The following COL4A2 variants were observed in gnomAD, a reference collection of about 807,000 sequenced individuals.
COL4A2 encodes the protein collagen type IV alpha 2 chain.
COL4A2 carries 99 observed loss-of-function variants against 200.2 expected under a neutral mutation model. The ratio of observed to expected loss-of-function variants is 0.49; its 90% confidence interval spans 0.42 to 0.58. COL4A2 has a LOEUF of 0.58. Ranked by LOEUF, COL4A2 falls within the 20% of genes least tolerant of loss-of-function variation. The probability of loss-of-function intolerance (pLI) is 0.00; values close to 1 mark genes in which losing one functional copy is unlikely to be tolerated. For missense variants in COL4A2, 1,950 were observed against 2,314.1 expected (o/e 0.84, Z 3.23); for synonymous variants, 897 against 900.6 (o/e 1.00, Z 0.07).
intron 4 of COL4A2, among the ~76,000 whole-genome samples, chr13:110,411,806 T>C (rs1311248388): frequency 6.6e-6 from 1 of 152,194 alleles, no homozygotes; most frequent in African/African-American, 2.4e-5. Flanking sequence ...TGGATGACAA[T>C]GCCCTATGGA....
chr13:110,450,597 G>C, intron 20 of COL4A2, 143 bp downstream of exon 20: 1 of 953,348 alleles, frequency 1.0e-6, no homozygotes, highest in South Asian at 1.6e-5. Flanking sequence ...GTGGATCCAG[G>C]TAGATTAGGG....
chr13:110,452,074 T>C (rs1881557165), intron 20 of COL4A2, among the ~76,000 whole-genome samples: 1 of 152,252 alleles, frequency 6.6e-6, no homozygotes, highest in Non-Finnish European at 1.5e-5. Context: ...AACACCATGT[T>C]TGCTAGTGGA....
rs1884112786 is a variant in COL4A2, at chr13:110,512,271, AT to A, written c.*87del. On this transcript the variant is annotated 3_prime_UTR_variant, in exon 48 of 48. Coordinates refer to ENST00000360467, the MANE Select transcript of COL4A2 (RefSeq NM_001846.4). ...AGGTGCCAACCCAAAAATTGGTTTT[AT>A]TTTTTTCTTAAAAAAAAAAAAGTCT... The A allele has an allele frequency of 4.2e-6, 6 of 1,429,122 alleles. No homozygotes were observed. The highest frequency in any genetic ancestry group is 3.4e-5 in the African/African-American group (2 of 58,126). 88.5% of individuals were successfully genotyped at this position (1,429,122 alleles called of 1,614,324 possible).
intron 19 of COL4A2, among the ~76,000 whole-genome samples, 187 bp from the exon 20 acceptor site, chr13:110,450,118 G>T (rs763828071): frequency 2.6e-5 from 4 of 152,208 alleles, no homozygotes; most frequent in Non-Finnish European, 4.4e-5. Context: ...TATTTGAGGG[G>T]CAAGGAGAGG....
intron 4 of COL4A2, among the ~76,000 whole-genome samples, chr13:110,421,392 A>G (rs545646859): frequency 6.6e-6 from 1 of 152,228 alleles, no homozygotes; most frequent in Admixed American, 6.5e-5. Flanking sequence ...ATTGTGGTCT[A>G]TCCGTACAGT....
At chr13:110,498,986 GT>G (rs1266779157) in intron 40 of COL4A2, among the ~76,000 whole-genome samples, 1 of 152,236 alleles carries the variant, frequency 6.6e-6, no homozygotes, top group Non-Finnish European at 1.5e-5. Context: ...TTCAGAGCAG[GT>G]CCTGGAGGCC....
chr13:110,510,300 G>C (rs1436134342), intron 47 of COL4A2, among the ~76,000 whole-genome samples: 3 of 152,364 alleles, frequency 2.0e-5, no homozygotes, highest in African/African-American at 7.2e-5. Context: ...CCCGGATGCA[G>C]ACTGCAGCAG....
chr13:110,462,746 AAC>A (rs1882079116), intron 24 of COL4A2, among the ~76,000 whole-genome samples: 1 of 152,168 alleles, frequency 6.6e-6, no homozygotes, highest in African/African-American at 2.4e-5. Context: ...TTTTGCAACA[AAC>A]ACACACTGGT....
intron 4 of COL4A2, among the ~76,000 whole-genome samples, chr13:110,366,250 C>G (rs1877746834): frequency 6.6e-6 from 1 of 152,230 alleles, no homozygotes; most frequent in African/African-American, 2.4e-5. Context: ...GAGATGCTTT[C>G]TAAAAGCTAC....
intron 47 of COL4A2, among the ~76,000 whole-genome samples, 159 bp from the exon 48 acceptor site, chr13:110,511,775 T>A (rs1218944913): frequency 6.6e-6 from 1 of 152,234 alleles, no homozygotes; most frequent in Non-Finnish European, 1.5e-5. Flanking sequence ...ACCAGCCCCC[T>A]CTTGCTGAAG....
Position 110,503,976 on chromosome 13 carries a change from GC to G in COL4A2, c.4275del (p.Gly1426GlufsTer33). On this transcript the variant is annotated frameshift_variant, in exon 44 of 48. Transcript: ENST00000360467. LOFTEE classifies it high-confidence loss of function. ...GCACCGGGGGAGATGGGGCCCCAGG[GC>G]CCCCCCGGAGAACCAGGTAGAGTGC... ...PGAPGEMGPQ[G>X]PPGEPGFRGA... 16 of 1,559,922 alleles carry G rather than the reference GC, an allele frequency of 1.0e-5. No individual in the cohort carries two copies. The highest frequency in any genetic ancestry group is 2.4e-5 in the South Asian group (2 of 83,674).
chr13:110,387,019 T>C (rs910162596), intron 4 of COL4A2, among the ~76,000 whole-genome samples: 2 of 152,114 alleles, frequency 1.3e-5, no homozygotes, highest in East Asian at 1.9e-4. Flanking sequence ...GCGGGTGAAT[T>C]ACGAGGTCAG....
chr13:110,438,788 C>T (rs549276886), intron 15 of COL4A2, 120 bp downstream of exon 15: 7 of 1,099,150 alleles, frequency 6.4e-6, no homozygotes, highest in African/African-American at 3.5e-5. Context: ...AGAGATTTCC[C>T]GTTATTACTC....
At chr13:110,331,730 C>T (rs1228220868) in intron 3 of COL4A2, among the ~76,000 whole-genome samples, 1 of 152,190 alleles carries the variant, frequency 6.6e-6, no homozygotes, top group Admixed American at 6.5e-5. Context: ...TTTACTCTCA[C>T]AATGTTTGCC....
Position 110,458,664 on chromosome 13 carries a change from T to C in COL4A2, c.1433-107T>C, listed in dbSNP as rs910052408. The C allele has an allele frequency of 2.9e-6, 4 of 1,372,500 alleles. No homozygotes were observed. The African/African-American group carries it at 5.8e-5, about 20-fold the overall frequency. 85.0% of individuals were successfully genotyped at this position (1,372,500 alleles called of 1,614,324 possible). On this transcript the variant is annotated intron_variant, in intron 21 of 47. Transcript: ENST00000360467. ...TGCCCATCAGAACAGGCAGTGTCCA[T>C]AAAGCACCAAGTGTGCCACCCAGCT... is the stretch of plus-strand genomic sequence containing the variant.
At chr13:110,387,657 A>G (rs1878815966) in intron 4 of COL4A2, among the ~76,000 whole-genome samples, 1 of 152,226 alleles carries the variant, frequency 6.6e-6, no homozygotes, top group African/African-American at 2.4e-5. Flanking sequence ...GGCTTCCGGG[A>G]TCTGGAGTTC....
intron 12 of COL4A2, among the ~76,000 whole-genome samples, chr13:110,435,529 A>G (rs909769066): frequency 6.6e-6 from 1 of 152,254 alleles, no homozygotes; most frequent in South Asian, 2.1e-4. Flanking sequence ...ACTATGGAGT[A>G]TCACTTTCTG....
In COL4A2 at chr13:110,503,859, CTGTGGGAGCCCCCGGGAT is replaced by C; in HGVS notation, c.4154_4171del (p.Val1385_Ile1390del). ...GTTTCCCTTCCAGGTGCCCCCGGGA[CTGTGGGAGCCCCCGGGAT>C]TGCAGGAATCCCCCAGAAGATTGCC... On this transcript the variant is annotated inframe_deletion, in exon 44 of 48. Transcript: ENST00000360467. 4.3e-6 allele frequency: 7 copies of C among 1,613,950 alleles called. No individual in the cohort carries two copies. Among genetic ancestry groups the C allele is most frequent in the Non-Finnish European group, 5.9e-6 (7 of 1,179,900 alleles).
At chr13:110,334,661 A>G (rs865988797) in intron 3 of COL4A2, among the ~76,000 whole-genome samples, 3 of 152,224 alleles carry the variant, frequency 2.0e-5, no homozygotes, top group Non-Finnish European at 4.4e-5. Flanking sequence ...AAAAGCCTCC[A>G]TGCAGGATAT....
Sources: gnomAD v4.1 joint callset for allele counts (sites outside exome capture counted in the v4.1 genomes callset) on GRCh38, gnomAD v4.1.1 for gene constraint, MANE v1.5 for transcripts, NCBI Gene and HGNC (gene_info 2026-07-23, HGNC 2026-07-21) for gene names.